The following PDE6B variants were observed in gnomAD, a reference collection of about 807,000 sequenced individuals.
The protein encoded by PDE6B is rod cGMP-specific 3',5'-cyclic phosphodiesterase subunit beta.
PDE6B carries 106 observed loss-of-function variants against 109.0 expected under a neutral mutation model. The observed-to-expected ratio is 0.97, with a 90% CI of 0.83 to 1.14. The LOEUF (loss-of-function observed/expected upper bound fraction) is 1.14. Ranked by LOEUF, PDE6B falls within the 50% of genes most tolerant of loss-of-function variation. PDE6B has a pLI of 0.00. For missense variants in PDE6B, 1,193 were observed against 1,155.6 expected (o/e 1.03, Z -0.47); for synonymous variants, 490 against 471.3 (o/e 1.04, Z -0.51).
At chr4:634,852 C>T in intron 2 of PDE6B, 23 bp downstream of exon 2, 2 of 1,609,716 alleles carry the variant, frequency 1.2e-6, no homozygotes, top group South Asian at 2.2e-5. Flanking sequence ...GGCACCTGGG[C>T]AGCCGCGCGT....
rs758945481 is a variant in PDE6B at position 663,883 on chromosome 4, C to T, written c.2021+13C>T. On this transcript the variant is annotated intron_variant, in intron 16 of 21. Coordinates refer to ENST00000496514, the MANE Select transcript of PDE6B (RefSeq NM_000283.4). This position sits in a 1 kb window ranked among gnomAD's most constrained non-coding sequence, Gnocchi z 4.0. ...CCCTGTACTTCAAGTGCGCGCCTTC[C>T]GGGAGGGGGCGCCTCGCGGGGCGGG... The T allele has an allele frequency of 6.2e-5, 98 of 1,584,714 alleles. No individual in the cohort carries two copies. Among genetic ancestry groups the T allele is most frequent in the Non-Finnish European group, 8.1e-5 (94 of 1,160,376 alleles).
intron 3 of PDE6B, chr4:653,544 C>T (rs1735790769): frequency 3.9e-6 from 2 of 507,064 alleles, no homozygotes; most frequent in Non-Finnish European, 7.1e-6. Context: ...GGAGGAAGGG[C>T]TGGTCGGATG....
In PDE6B at chr4:633,730, G is replaced by A. The variant is rs1327032831; in HGVS notation, c.469-947G>A. On this transcript the variant is annotated intron_variant, in intron 1 of 21. Coordinates refer to ENST00000496514, the MANE Select transcript of PDE6B (RefSeq NM_000283.4). The surrounding 1 kb of genome is among the most constrained non-coding windows in gnomAD (Gnocchi z 4.5). Reference sequence around the variant, plus strand: ...GGGAAGTCCTGACCCCAGCAGGGCTGACTCCGGAGCCGTCCACCTGGGTCA... The same window carrying A: ...GGGAAGTCCTGACCCCAGCAGGGCTAACTCCGGAGCCGTCCACCTGGGTCA... Among the ~76,000 whole-genome samples the A allele has an allele frequency of 6.6e-6, 1 of 152,208 alleles. No homozygotes were observed. The highest frequency in any genetic ancestry group is 2.4e-5 in the African/African-American group (1 of 41,444).
At chr4:632,756 T>C (rs983895775) in intron 1 of PDE6B, among the ~76,000 whole-genome samples, 2 of 151,400 alleles carry the variant, frequency 1.3e-5, no homozygotes, top group Non-Finnish European at 2.9e-5. Context: ...TGTGGATCCA[T>C]GTGGCACCAT....
At chr4:628,728 G>A (rs1734238894) in intron 1 of PDE6B, among the ~76,000 whole-genome samples, 1 of 152,230 alleles carries the variant, frequency 6.6e-6, no homozygotes, top group Admixed American at 6.5e-5. Context: ...ACCATGGAGG[G>A]AGGGGCTGCC....
chr4:645,383 C>T (rs1464553640), intron 3 of PDE6B, among the ~76,000 whole-genome samples: 2 of 150,708 alleles, frequency 1.3e-5, no homozygotes, highest in East Asian at 1.9e-4. Context: ...GCAAGCTCCA[C>T]GTCCCAGGTT....
chr4:656,092 C>T (rs915962227), intron 7 of PDE6B, 86 bp downstream of exon 7: 21 of 1,056,750 alleles, frequency 2.0e-5, no homozygotes, highest in Admixed American at 1.2e-4. Context: ...TGCCACGTCC[C>T]GCCCTCCCGG....
At position 666,456 on chromosome 4, in the gene PDE6B, G is replaced by A. The variant is rs1370840780; in HGVS notation, c.2269-75G>A. ...CTCCATGAGCACATCTGAGTGAGGG[G>A]GTCGGGGGGCTGGGCGGGGCCCCAG... On this transcript the variant is annotated intron_variant, in intron 19 of 21. Transcript: ENST00000496514. This position sits in a 1 kb window ranked among gnomAD's most constrained non-coding sequence, Gnocchi z 5.6. 1.1e-6 allele frequency: 1 copy of A among 935,138 alleles called. No homozygotes were observed. The highest frequency in any genetic ancestry group is 1.6e-5 in the African/African-American group (1 of 61,912). The allele number at this position is 935,138 out of a possible 1,614,324, so 57.9% of individuals were successfully genotyped here.
At chr4:659,516 T>C (rs945678699) in intron 11 of PDE6B, among the ~76,000 whole-genome samples, 20 of 151,204 alleles carry the variant, frequency 1.3e-4, no homozygotes, top group African/African-American at 4.4e-4. Context: ...TGTGTGCATG[T>C]AGGTGTGTGT....
chr4:669,994 G>A, intron 21 of PDE6B, 52 bp from the exon 22 acceptor site: 2 of 1,458,934 alleles, frequency 1.4e-6, no homozygotes, highest in Non-Finnish European at 9.6e-7. Context: ...GGAAGGAATA[G>A]GGCTGGTGTG....
chr4:665,144 C>A lies in PDE6B; in HGVS notation c.2194-111C>A. ...CAACCGGAGCCCTGTGTGGTGGGGA[C>A]CCCGGGGGTCTGGGGCGGAGAAGAC... is the stretch of plus-strand genomic sequence containing the variant. On this transcript the variant is annotated intron_variant, in intron 18 of 21. Transcript: ENST00000496514. This position sits in a 1 kb window ranked among gnomAD's most constrained non-coding sequence, Gnocchi z 4.0. 1.1e-6 allele frequency: 1 copy of A among 894,648 alleles called. No individual in the cohort carries two copies. The highest frequency in any genetic ancestry group is 1.9e-5 in the Admixed American group (1 of 52,102). 55.4% of individuals were successfully genotyped at this position (894,648 alleles called of 1,614,324 possible).
In PDE6B at chr4:663,828, T is replaced by G; in HGVS notation, c.1979T>G (p.Met660Arg). The change falls in exon 16 of 22, where the codon ATG becomes AGG. Residue 660 changes from methionine (M) to arginine (R), a missense_variant. Transcript: ENST00000496514. This position sits in a 1 kb window ranked among gnomAD's most constrained non-coding sequence, Gnocchi z 4.0. ...CAGCACGAGCACGTGATCCACCTGA[T>G]GGACATCGCCATCATCGCCACGGAC... is the stretch of plus-strand genomic sequence containing the variant. ...RRQHEHVIHL[M>R]DIAIIATDLA... 1 of 1,612,514 alleles carries G rather than the reference T, an allele frequency of 6.2e-7. No homozygotes were observed. The highest frequency in any genetic ancestry group is 8.5e-7 in the Non-Finnish European group (1 of 1,179,534).
At position 642,725 on chromosome 4, in the gene PDE6B, C is replaced by CAAAAAAAAAAAAAAAA. The variant is rs71636506; in HGVS notation, c.711+6766_711+6781dup. On this transcript the variant is annotated intron_variant, in intron 3 of 21. Transcript: ENST00000496514. ...CCAACCTGGACAACAGACACTGTCT[C>CAAAAAAAAAAAAAAAA]AAAAAAAAAAAAAAAAAAAAAAAAA... Among the ~76,000 whole-genome samples, 78 of 43,314 alleles carry CAAAAAAAAAAAAAAAA rather than the reference C, an allele frequency of 1.8e-3. 3 individuals are homozygous for CAAAAAAAAAAAAAAAA. The highest frequency in any genetic ancestry group is 5.2e-3 in the African/African-American group (56 of 10,696). The allele number at this position is 43,314 out of a possible 152,430, so 28.4% of individuals were successfully genotyped here. A position where few individuals can be genotyped will look rare whatever the true frequency, so the allele number is the denominator to read the frequency against.
In PDE6B at chr4:663,934, C is replaced by T. The variant is rs944413576; in HGVS notation, c.2021+64C>T. ...CGGGTAGCCTGGGACCCCCGGCAGA[C>T]ACGGGGGCGCAGCGGCGGCACAGCC... On this transcript the variant is annotated intron_variant, in intron 16 of 21. Transcript: ENST00000496514. The surrounding 1 kb of genome is among the most constrained non-coding windows in gnomAD (Gnocchi z 4.0). 2 of 1,259,022 alleles carry T rather than the reference C, an allele frequency of 1.6e-6. No homozygotes were observed. The highest frequency in any genetic ancestry group is 2.0e-5 in the Admixed American group (1 of 48,962). The allele number at this position is 1,259,022 out of a possible 1,614,324, so 78.0% of individuals were successfully genotyped here. A position where few individuals can be genotyped will look rare whatever the true frequency, so the allele number is the denominator to read the frequency against.
intron 3 of PDE6B, among the ~76,000 whole-genome samples, chr4:644,410 T>G (rs1031337826): frequency 6.6e-6 from 1 of 152,096 alleles, no homozygotes; most frequent in Non-Finnish European, 1.5e-5. Flanking sequence ...TGGCCTAGAA[T>G]GTGGTTTATC....
Position 625,648 on chromosome 4 carries a change from G to T in PDE6B, c.22G>T (p.Ala8Ser). The T allele has an allele frequency of 6.2e-7, 1 of 1,613,610 alleles. No individual in the cohort carries two copies. Among genetic ancestry groups the T allele is most frequent in the Non-Finnish European group, 8.5e-7 (1 of 1,179,612 alleles). ...CACCATGAGCCTCAGTGAGGAGCAG[G>T]CCCGGAGCTTTCTGGACCAGAACCC... is the stretch of plus-strand genomic sequence containing the variant. MSLSEEQ[A>S]RSFLDQNPDF... The change falls in exon 1 of 22, where the codon GCC becomes TCC. Residue 8 changes from alanine (A) to serine (S), a missense_variant. Transcript: ENST00000496514. The surrounding 1 kb of genome is among the most constrained non-coding windows in gnomAD (Gnocchi z 5.0).
chr4:656,336 G>A (rs201876077), intron 8 of PDE6B, 44 bp downstream of exon 8: 2 of 1,265,096 alleles, frequency 1.6e-6, no homozygotes, highest in South Asian at 1.2e-5. Context: ...ACTTACAAAA[G>A]AGGAGATTTT....
Position 636,902 on chromosome 4 carries a change from C to T in PDE6B, c.711+933C>T, listed in dbSNP as rs1216837223. On this transcript the variant is annotated intron_variant, in intron 3 of 21. Coordinates refer to ENST00000496514, the MANE Select transcript of PDE6B (RefSeq NM_000283.4). The surrounding 1 kb of genome is among the most constrained non-coding windows in gnomAD (Gnocchi z 4.5). ...AGTGGACACCTGTGAGAAAACCCCC[C>T]GGAGGGAAGTCTCAGCCCCAATCCA... 1.3e-5 allele frequency among the ~76,000 whole-genome samples: 2 copies of T among 152,214 alleles called. No individual in the cohort carries two copies. The highest frequency in any genetic ancestry group is 2.9e-5 in the Non-Finnish European group (2 of 68,038).
At chr4:650,652 C>G (rs867997112) in intron 3 of PDE6B, among the ~76,000 whole-genome samples, 3 of 152,302 alleles carry the variant, frequency 2.0e-5, no homozygotes, top group Admixed American at 1.3e-4. Flanking sequence ...AGCTCCGACA[C>G]CCACACACAG....
Sources: gnomAD v4.1 joint callset for allele counts (sites outside exome capture counted in the v4.1 genomes callset) on GRCh38, gnomAD v4.1.1 for gene constraint, Gnocchi (gnomAD v3.1) non-coding constraint, MANE v1.5 for transcripts, NCBI Gene and HGNC (gene_info 2026-07-23, HGNC 2026-07-21) for gene names.